The following B3GAT2 variants were observed in gnomAD, a reference collection of about 807,000 sequenced individuals.
B3GAT2 encodes the protein beta-1,3-glucuronyltransferase 2.
Under a neutral mutation model 27.8 loss-of-function variants are expected in B3GAT2, and 26 were observed. That is an observed-to-expected ratio of 0.93 (90% confidence interval 0.68 to 1.30). The LOEUF (loss-of-function observed/expected upper bound fraction) is 1.30. Among genes scored for constraint, B3GAT2 ranks in the 50% most tolerant of loss-of-function variants. B3GAT2 has a pLI of 0.00. For missense variants in B3GAT2, 458 were observed against 459.0 expected, an observed-to-expected ratio of 1.00 and a Z score of 0.02; for synonymous variants, 218 against 195.1, an observed-to-expected ratio of 1.12 and a Z score of -0.98.
rs575068845 is a variant in B3GAT2, at chr6:70,954,917, G to C, written c.591+922C>G. ...AACCCTGTGCCTGCCGGGGGCGGCG[G>C]GGGGGGGCGGTGCGCGCGTGGCCAT... On this transcript the variant is annotated intron_variant, in intron 1 of 3. Transcript: ENST00000230053. Among the ~76,000 whole-genome samples, 27 of 151,500 alleles carry C rather than the reference G, an allele frequency of 1.8e-4. 1 individual carries two copies. The highest frequency in any genetic ancestry group is 2.9e-4 in the African/African-American group (12 of 41,272).
At chr6:70,899,635 T>C (rs1315379618) in intron 1 of B3GAT2, among the ~76,000 whole-genome samples, 2 of 152,364 alleles carry the variant, frequency 1.3e-5, no homozygotes, top group East Asian at 1.9e-4. Flanking sequence ...TGAAATTCCA[T>C]GCAGAATGCT....
At chr6:70,931,500 CAAG>C (rs1773062606) in intron 1 of B3GAT2, among the ~76,000 whole-genome samples, 1 of 152,110 alleles carries the variant, frequency 6.6e-6, no homozygotes, top group South Asian at 2.1e-4. Flanking sequence ...GGGCAGCAGG[CAAG>C]AAGAACCCAT....
At position 70,956,929 on chromosome 6, in the gene B3GAT2, A is replaced by G. The variant is rs1367023256; in HGVS notation, c.-500T>C. On this transcript the variant is annotated 5_prime_UTR_variant, in exon 1 of 4. It removes an upstream start codon present in the reference 5' UTR. Coordinates refer to ENST00000230053, the MANE Select transcript of B3GAT2 (RefSeq NM_080742.3). ...GGCGCTGGGGGCTTTCCTTCCTCACATTCCCGCCGGGGTGGCGAGGAGCGG... is the reference window on the plus strand; with the variant it reads ...GGCGCTGGGGGCTTTCCTTCCTCACGTTCCCGCCGGGGTGGCGAGGAGCGG... The G allele has an allele frequency of 7.9e-6, 8 of 1,012,332 alleles. No individual in the cohort carries two copies. The highest frequency in any genetic ancestry group is 5.0e-4 in the Middle Eastern group (1 of 2,000). The allele number at this position is 1,012,332 out of a possible 1,614,324, so 62.7% of individuals were successfully genotyped here. A position where few individuals can be genotyped will look rare whatever the true frequency, so the allele number is the denominator to read the frequency against.
intron 1 of B3GAT2, among the ~76,000 whole-genome samples, chr6:70,927,280 A>AT (rs1192899991): frequency 2.6e-5 from 4 of 152,262 alleles, no homozygotes; most frequent in African/African-American, 9.6e-5. Flanking sequence ...AATGAGCAAA[A>AT]TAACCAGCTA....
Position 70,857,931 on chromosome 6 carries a change from T to C in B3GAT2, c.*3732A>G. ...TCTTTTTGTGGTGCAGGTGTATTTA[T>C]GGGACCCACAAATATACCATTTACC... is the stretch of plus-strand genomic sequence containing the variant. On this transcript the variant is annotated 3_prime_UTR_variant, in exon 4 of 4. Coordinates refer to ENST00000230053, the MANE Select transcript of B3GAT2 (RefSeq NM_080742.3). 1 of 1,613,930 alleles carries C rather than the reference T, an allele frequency of 6.2e-7. No individual in the cohort carries two copies. The highest frequency in any genetic ancestry group is 8.5e-7 in the Non-Finnish European group (1 of 1,179,886).
At position 70,857,884 on chromosome 6, in the gene B3GAT2, A is replaced by T; in HGVS notation, c.*3779T>A. 1 of 1,599,748 alleles carries T rather than the reference A, an allele frequency of 6.3e-7. No individual in the cohort carries two copies. The highest frequency in any genetic ancestry group is 8.5e-7 in the Non-Finnish European group (1 of 1,172,314). On this transcript the variant is annotated 3_prime_UTR_variant, in exon 4 of 4. Coordinates refer to ENST00000230053, the MANE Select transcript of B3GAT2 (RefSeq NM_080742.3). ...ATAGAGATGAGTGCAACTACACGTG[A>T]TAGCTCTGTCTTCATTCATTTTCTT...
intron 1 of B3GAT2, among the ~76,000 whole-genome samples, chr6:70,912,033 TAGG>T (rs1772697061): frequency 6.6e-6 from 1 of 152,184 alleles, no homozygotes; most frequent in East Asian, 1.9e-4. Flanking sequence ...TTGTCAGATC[TAGG>T]AGCTTTTGGG....
At chr6:70,875,415 T>C (rs902138539) in intron 2 of B3GAT2, among the ~76,000 whole-genome samples, 17 of 152,336 alleles carry the variant, frequency 1.1e-4, no homozygotes, top group African/African-American at 3.8e-4. Context: ...AAGAAGGCTA[T>C]ATAAAGGAAT....
intron 2 of B3GAT2, among the ~76,000 whole-genome samples, chr6:70,891,538 G>A (rs1772288429): frequency 6.6e-6 from 1 of 152,184 alleles, no homozygotes; most frequent in African/African-American, 2.4e-5. Flanking sequence ...ATACTCAAAT[G>A]AGTTTCCAGT....
In B3GAT2 at chr6:70,894,276, TA is replaced by T; in HGVS notation, c.592-5del. ...AGACCTTGCGGGTGGTTCGCATCTA[TA>T]AAAAGGGAAAAGACATGTGTTTTAA... On this transcript the variant is annotated splice_polypyrimidine_tract_variant and splice_region_variant and intron_variant, in intron 1 of 3. Transcript: ENST00000230053. The T allele has an allele frequency of 6.4e-7, 1 of 1,569,974 alleles. No homozygotes were observed. The highest frequency in any genetic ancestry group is 8.6e-7 in the Non-Finnish European group (1 of 1,158,362).
At chr6:70,898,332 C>T (rs1473310757) in intron 1 of B3GAT2, among the ~76,000 whole-genome samples, 2 of 152,098 alleles carry the variant, frequency 1.3e-5, no homozygotes, top group Non-Finnish European at 2.9e-5. Flanking sequence ...CCTAGATCTT[C>T]CCCATAGGTG....
At chr6:70,939,220 T>C (rs1426925378) in intron 1 of B3GAT2, among the ~76,000 whole-genome samples, 1 of 138,558 alleles carries the variant, frequency 7.2e-6, no homozygotes, top group Non-Finnish European at 1.6e-5. Context: ...CCAGTTAGAA[T>C]GGTGATCATT....
chr6:70,926,578 G>C lies in B3GAT2; in HGVS notation c.591+29261C>G, dbSNP rs148941026. Among the ~76,000 whole-genome samples, 37 of 152,294 alleles carry C rather than the reference G, an allele frequency of 2.4e-4. No individual in the cohort carries two copies. The East Asian group carries it at 6.9e-3, about 29-fold the overall frequency. ...ATCAACTGGAAGAAAGGGTATCAGA[G>C]ATTGAAGATCAAATGAATGAAATGA... is the stretch of plus-strand genomic sequence containing the variant. On this transcript the variant is annotated intron_variant, in intron 1 of 3. Transcript: ENST00000230053.
intron 1 of B3GAT2, among the ~76,000 whole-genome samples, chr6:70,912,699 G>A (rs1562226909): frequency 6.6e-6 from 1 of 151,858 alleles, no homozygotes; most frequent in Non-Finnish European, 1.5e-5. Flanking sequence ...ATGAGTTAGG[G>A]AGGGGTCCCT....
rs921058828 is a variant in B3GAT2, at chr6:70,858,984, TAGAG to T, written c.*2675_*2678del. ...CTCTAGCTGCACAGACAAAGGCTCT[TAGAG>T]AGGTTCATGCTCCCACTCTTCTTCC... is the stretch of plus-strand genomic sequence containing the variant. On this transcript the variant is annotated 3_prime_UTR_variant, in exon 4 of 4. Coordinates refer to ENST00000230053, the MANE Select transcript of B3GAT2 (RefSeq NM_080742.3). 2 of 173,680 alleles carry T rather than the reference TAGAG, an allele frequency of 1.2e-5. No homozygotes were observed. The highest frequency in any genetic ancestry group is 1.6e-4 in the East Asian group (1 of 6,252). 10.8% of individuals were successfully genotyped at this position (173,680 alleles called of 1,614,324 possible). A position where few individuals can be genotyped will look rare whatever the true frequency, so the allele number is the denominator to read the frequency against.
At chr6:70,888,461 G>A (rs902602638) in intron 2 of B3GAT2, among the ~76,000 whole-genome samples, 2 of 152,106 alleles carry the variant, frequency 1.3e-5, no homozygotes, top group Non-Finnish European at 2.9e-5. Context: ...CTGATTTAGA[G>A]TATAATCTGA....
chr6:70,936,078 A>G (rs1246409251), intron 1 of B3GAT2, among the ~76,000 whole-genome samples: 2 of 151,754 alleles, frequency 1.3e-5, no homozygotes, highest in East Asian at 3.9e-4. Context: ...CAAATGGAAA[A>G]CAAAAAAAGG....
At chr6:70,954,894 C>A (rs1765625722) in intron 1 of B3GAT2, among the ~76,000 whole-genome samples, 1 of 146,562 alleles carries the variant, frequency 6.8e-6, no homozygotes, top group Admixed American at 7.0e-5. Flanking sequence ...CCTGTTCTAA[C>A]CCTGTGCCTG....
chr6:70,897,730 T>C (rs1362394785), intron 1 of B3GAT2, among the ~76,000 whole-genome samples: 1 of 151,130 alleles, frequency 6.6e-6, no homozygotes, highest in Non-Finnish European at 1.5e-5. Flanking sequence ...TCCTCCTTTC[T>C]ACAAGTATTA....
Sources: gnomAD v4.1 joint callset for allele counts (sites outside exome capture counted in the v4.1 genomes callset) on GRCh38, gnomAD v4.1.1 for gene constraint, MANE v1.5 for transcripts, NCBI Gene and HGNC (gene_info 2026-07-23, HGNC 2026-07-21) for gene names.